ARF3: variants seen among roughly 807,000 people sequenced by gnomAD.
ARF3 encodes the protein ADP-ribosylation factor 3.
Under a neutral mutation model 19.3 loss-of-function variants are expected in ARF3, and 5 were observed. The observed-to-expected ratio is 0.26, with a 90% CI of 0.14 to 0.54. The LOEUF is 0.54. Ranked by LOEUF, ARF3 falls within the 20% of genes least tolerant of loss-of-function variation. ARF3 has a pLI of 0.95. For synonymous variants in ARF3, 71 were observed against 89.2 expected (o/e 0.80, Z 1.15); for missense variants, 77 against 234.2 (o/e 0.33, Z 4.38).
At position 48,939,509 on chromosome 12, in the gene ARF3, G is replaced by A. The variant is rs1367281372; in HGVS notation, c.384+146C>T. The A allele has an allele frequency of 4.8e-6, 5 of 1,047,576 alleles. No homozygotes were observed. The highest frequency in any genetic ancestry group is 3.2e-5 in the African/African-American group (2 of 62,796). 64.9% of individuals were successfully genotyped at this position (1,047,576 alleles called of 1,614,324 possible). On this transcript the variant is annotated intron_variant, in intron 4 of 4. Coordinates refer to ENST00000256682, the MANE Select transcript of ARF3 (RefSeq NM_001659.3). The surrounding 1 kb of genome is among the most constrained non-coding windows in gnomAD (Gnocchi z 4.8). ...GCTTGGGGTGGGGCACAAGAAGAGGGGCATAAAGAAGCCAAGTGCTCAGTT... is the reference window on the plus strand; with the variant it reads ...GCTTGGGGTGGGGCACAAGAAGAGGAGCATAAAGAAGCCAAGTGCTCAGTT...
chr12:48,945,048 G>A (rs993918864), intron 1 of ARF3, among the ~76,000 whole-genome samples: 1 of 150,678 alleles, frequency 6.6e-6, no homozygotes, highest in South Asian at 2.1e-4. Context: ...GCCGAGGCAG[G>A]AGAACCGCTG....
At chr12:48,942,322 C>T (rs893951735) in intron 1 of ARF3, among the ~76,000 whole-genome samples, 1 of 151,600 alleles carries the variant, frequency 6.6e-6, no homozygotes, top group African/African-American at 2.4e-5. Flanking sequence ...TTCAAGCAAT[C>T]CTCCTGCCTT....
At chr12:48,940,703 C>T (rs1041821894) in intron 2 of ARF3, among the ~76,000 whole-genome samples, 2 of 152,226 alleles carry the variant, frequency 1.3e-5, no homozygotes, top group East Asian at 1.9e-4. Flanking sequence ...AAACCAACTC[C>T]GTGCCTGAGG....
chr12:48,939,813 A>G lies in ARF3; in HGVS notation c.260-34T>C. On this transcript the variant is annotated intron_variant, in intron 3 of 4. Transcript: ENST00000256682. The surrounding 1 kb of genome is among the most constrained non-coding windows in gnomAD (Gnocchi z 4.8). ...GCAGAGCATGGGCTGCACTAAGATG[A>G]CAGGTAACCCCCTCCCCCCAACCAA... 3 of 1,612,768 alleles carry G rather than the reference A, an allele frequency of 1.9e-6. No individual in the cohort carries two copies. Among genetic ancestry groups the G allele is most frequent in the Non-Finnish European group, 2.5e-6 (3 of 1,179,116 alleles).
chr12:48,950,670 C>T (rs935570418), intron 1 of ARF3, among the ~76,000 whole-genome samples: 2 of 152,046 alleles, frequency 1.3e-5, no homozygotes, highest in Non-Finnish European at 2.9e-5. Flanking sequence ...AGAGGATCCC[C>T]AATCCCCCTG....
chr12:48,956,457 T>TC (rs2137601471), intron 1 of ARF3: 1 of 152,158 alleles, frequency 6.6e-6, no homozygotes, highest in African/African-American at 2.4e-5. Flanking sequence ...GAACTCCACC[T>TC]CCCCAACTCC....
intron 1 of ARF3, among the ~76,000 whole-genome samples, chr12:48,951,524 T>C (rs1013545641): frequency 8.0e-5 from 12 of 150,930 alleles, no homozygotes; most frequent in East Asian, 5.9e-4. Context: ...GATTGCACCA[T>C]TGCACTCCAG....
intron 1 of ARF3, among the ~76,000 whole-genome samples, chr12:48,945,628 C>G (rs1940345604): frequency 6.6e-6 from 1 of 151,862 alleles, no homozygotes; most frequent in South Asian, 2.1e-4. Flanking sequence ...GAGGCTCAGG[C>G]AGGAGAATCG....
At chr12:48,940,154 C>T in intron 2 of ARF3, 47 bp from the exon 3 acceptor site, 1 of 1,454,252 alleles carries the variant, frequency 6.9e-7, no homozygotes, top group South Asian at 1.1e-5. Context: ...AAACACTAGC[C>T]CCGCAAACAC....
Position 48,941,207 on chromosome 12 carries a change from A to G in ARF3, c.-93-19T>C. 2 of 1,199,184 alleles carry G rather than the reference A, an allele frequency of 1.7e-6. No individual in the cohort carries two copies. Among genetic ancestry groups the G allele is most frequent in the Non-Finnish European group, 2.3e-6 (2 of 867,232 alleles). The allele number at this position is 1,199,184 out of a possible 1,614,324, so 74.3% of individuals were successfully genotyped here. A position where few individuals can be genotyped will look rare whatever the true frequency, so the allele number is the denominator to read the frequency against. ...CTTGATCCTAGACAAAGGAAATGTA[A>G]AATCATACCATCATTTGCTTGTCAG... On this transcript the variant is annotated intron_variant, in intron 1 of 4. Coordinates refer to ENST00000256682, the MANE Select transcript of ARF3 (RefSeq NM_001659.3).
At chr12:48,941,953 C>A (rs1032742210) in intron 1 of ARF3, among the ~76,000 whole-genome samples, 1 of 152,166 alleles carries the variant, frequency 6.6e-6, no homozygotes, top group Non-Finnish European at 1.5e-5. Context: ...CCCACATGGT[C>A]GCTGCAATGA....
Position 48,952,598 on chromosome 12 carries a change from C to G in ARF3, c.-94+4712G>C, listed in dbSNP as rs185163873. 1.5e-4 allele frequency among the ~76,000 whole-genome samples: 23 copies of G among 152,296 alleles called. 1 individual carries two copies. The highest frequency in any genetic ancestry group is 5.5e-4 in the African/African-American group (23 of 41,546). On this transcript the variant is annotated intron_variant, in intron 1 of 4. Transcript: ENST00000256682. ...GAAAGTCCATCAATAGCCTAGACTC[C>G]TAATAATCTTCTGCCCCTAATCTGG...
rs753056803 is a variant in ARF3, at chr12:48,938,240, A to G, written c.*707T>C. 5.4e-6 allele frequency: 2 copies of G among 368,252 alleles called. No individual in the cohort carries two copies. The highest frequency in any genetic ancestry group is 3.9e-5 in the South Asian group (2 of 51,514). 22.8% of individuals were successfully genotyped at this position (368,252 alleles called of 1,614,324 possible). On this transcript the variant is annotated 3_prime_UTR_variant, in exon 5 of 5. Coordinates refer to ENST00000256682, the MANE Select transcript of ARF3 (RefSeq NM_001659.3). ...GGAAAATGGTGGTGAAGAATCCATC[A>G]TCTGTCCTATCATCCAGAAAAACCT...
At chr12:48,941,635 C>G (rs1310620501) in intron 1 of ARF3, 1 of 152,206 alleles carries the variant, frequency 6.6e-6, no homozygotes, top group African/African-American at 2.4e-5. Context: ...TGACTCCTGA[C>G]AAGGTTCAGG....
In ARF3 at chr12:48,941,154, G is replaced by C. The variant is rs1381523745; in HGVS notation, c.-59C>G. The stretch of plus-strand genomic sequence containing the variant: ...CCCAAGTAGGGGCAGTGGCAGTCTG[G>C]TTTTGGCCTGGTCCCTGGTATGGAA... On this transcript the variant is annotated 5_prime_UTR_variant, in exon 2 of 5. Coordinates refer to ENST00000256682, the MANE Select transcript of ARF3 (RefSeq NM_001659.3). The C allele has an allele frequency of 1.3e-6, 2 of 1,545,018 alleles. No homozygotes were observed. The highest frequency in any genetic ancestry group is 2.8e-5 in the African/African-American group (2 of 72,418).
chr12:48,956,847 G>T (rs1046651942), intron 1 of ARF3: 2 of 152,510 alleles, frequency 1.3e-5, no homozygotes, highest in African/African-American at 2.4e-5. Flanking sequence ...TATGATGGGG[G>T]AGGGGGTGTA....
Position 48,938,050 on chromosome 12 carries a change from A to C in ARF3, c.*897T>G, listed in dbSNP as rs1458728766. The C allele has an allele frequency of 5.3e-6, 1 of 189,442 alleles. No homozygotes were observed. The allele number at this position is 189,442 out of a possible 1,614,324, so 11.7% of individuals were successfully genotyped here. On this transcript the variant is annotated 3_prime_UTR_variant, in exon 5 of 5. Coordinates refer to ENST00000256682, the MANE Select transcript of ARF3 (RefSeq NM_001659.3). ...TCAAGCTCCAGAGGAACAGATCTGA[A>C]GATGGTGGGGAAGGATCAGTTGAAC...
At chr12:48,956,383 A>T (rs1257191765) in intron 1 of ARF3, 1 of 152,254 alleles carries the variant, frequency 6.6e-6, no homozygotes. Flanking sequence ...TAATGCAATC[A>T]AGACGGGAAT....
At chr12:48,940,829 AACCCC>A in intron 2 of ARF3, 114 bp downstream of exon 2, 1 of 1,327,076 alleles carries the variant, frequency 7.5e-7, no homozygotes, top group Non-Finnish European at 1.0e-6. Context: ...CTCTTTTCTG[AACCCC>A]ACAAATTGTA....
Sources: gnomAD v4.1 joint callset for allele counts (sites outside exome capture counted in the v4.1 genomes callset) on GRCh38, gnomAD v4.1.1 for gene constraint, Gnocchi (gnomAD v3.1) non-coding constraint, MANE v1.5 for transcripts, NCBI Gene and HGNC (gene_info 2026-07-23, HGNC 2026-07-21) for gene names.